Variants in CHN2 observed in about 807,000 individuals in gnomAD.
The protein encoded by CHN2 is chimerin 2, also known as beta-chimaerin.
CHN2 carries 35 observed loss-of-function variants against 56.3 expected under a neutral mutation model. The observed-to-expected ratio is 0.62, with a 90% CI of 0.47 to 0.82. CHN2 has a LOEUF of 0.82. Among genes scored for constraint, CHN2 ranks in the 40% least tolerant of loss-of-function variants. The pLI, the probability that CHN2 is intolerant of heterozygous loss-of-function variation, is 0.00. For synonymous variants in CHN2, 210 were observed against 212.8 expected, an observed-to-expected ratio of 0.99 and a Z score of 0.12; for missense variants, 491 against 580.5, an observed-to-expected ratio of 0.85 and a Z score of 1.58.
intron 1 of CHN2, among the ~76,000 whole-genome samples, chr7:29,269,875 T>C (rs1790475800): frequency 6.6e-6 from 1 of 152,196 alleles, no homozygotes; most frequent in Non-Finnish European, 1.5e-5. Flanking sequence ...CAAATCATTC[T>C]AATAGGCTTC....
intron 1 of CHN2, among the ~76,000 whole-genome samples, chr7:29,235,624 A>G (rs1171451749): frequency 6.6e-6 from 1 of 152,242 alleles, no homozygotes; most frequent in Non-Finnish European, 1.5e-5. Context: ...TAGCAAAGAC[A>G]TGGAATCAAT....
At chr7:29,406,305 G>A (rs912134678) in intron 6 of CHN2, among the ~76,000 whole-genome samples, 13 of 152,144 alleles carry the variant, frequency 8.5e-5, no homozygotes, top group Non-Finnish European at 1.5e-4. Flanking sequence ...GTATATGCAC[G>A]TTGTGGAGCT....
At chr7:29,304,235 G>A (rs1431295554) in intron 1 of CHN2, among the ~76,000 whole-genome samples, 2 of 152,084 alleles carry the variant, frequency 1.3e-5, no homozygotes, top group Non-Finnish European at 2.9e-5. Context: ...GAAGTGTAGA[G>A]GACATAAATT....
intron 6 of CHN2, among the ~76,000 whole-genome samples, chr7:29,452,317 G>A (rs369157730): frequency 1.3e-5 from 2 of 152,076 alleles, no homozygotes; most frequent in East Asian, 3.9e-4. Context: ...GCTGGGCCTC[G>A]GGTGAAGGAA....
intron 2 of CHN2, among the ~76,000 whole-genome samples, chr7:29,188,546 A>G (rs1195959090): frequency 2.0e-5 from 3 of 152,212 alleles, no homozygotes; most frequent in East Asian, 1.9e-4. Context: ...TTTTTTAAAA[A>G]AAAGAGGATT....
chr7:29,282,497 C>G (rs946359517), intron 1 of CHN2, among the ~76,000 whole-genome samples: 15 of 152,152 alleles, frequency 9.9e-5, no homozygotes, highest in Admixed American at 2.0e-4. Context: ...TCACTTTGCA[C>G]TATAGAAGCG....
At chr7:29,268,154 T>C (rs2128842220) in intron 1 of CHN2, among the ~76,000 whole-genome samples, 1 of 152,270 alleles carries the variant, frequency 6.6e-6, no homozygotes, top group South Asian at 2.1e-4. Context: ...AAATTATCCA[T>C]ATTTAGTATA....
At chr7:29,431,126 A>G (rs1219059053) in intron 6 of CHN2, among the ~76,000 whole-genome samples, 1 of 152,162 alleles carries the variant, frequency 6.6e-6, no homozygotes, top group Non-Finnish European at 1.5e-5. Context: ...GAATATGATC[A>G]AAGTGCAACT....
At chr7:29,386,888 A>G (rs991866374) in intron 3 of CHN2, among the ~76,000 whole-genome samples, 2 of 152,236 alleles carry the variant, frequency 1.3e-5, no homozygotes, top group African/African-American at 4.8e-5. Flanking sequence ...CTCGAGTCCT[A>G]GCAAAGAAAA....
chr7:29,266,623 A>G (rs1471278190), intron 1 of CHN2, among the ~76,000 whole-genome samples: 1 of 152,180 alleles, frequency 6.6e-6, no homozygotes, highest in Non-Finnish European at 1.5e-5. Flanking sequence ...GCATGACCCC[A>G]TTTGACAGTC....
chr7:29,420,912 C>G (rs1475882609), intron 6 of CHN2, among the ~76,000 whole-genome samples: 2 of 151,620 alleles, frequency 1.3e-5, no homozygotes, highest in African/African-American at 4.8e-5. Flanking sequence ...CAGGTTCAAG[C>G]GATTCTTCTG....
At chr7:29,305,288 GT>G (rs1410987431) in intron 1 of CHN2, among the ~76,000 whole-genome samples, 2 of 152,072 alleles carry the variant, frequency 1.3e-5, no homozygotes, top group Admixed American at 6.5e-5. Flanking sequence ...ATCCAACAAT[GT>G]TTTTTTAAAG....
chr7:29,494,353 CTT>C (rs1411521598), intron 7 of CHN2, among the ~76,000 whole-genome samples: 8 of 151,842 alleles, frequency 5.3e-5, no homozygotes, highest in African/African-American at 1.7e-4. Context: ...TAACAATTGA[CTT>C]TGCTGCCATA....
At chr7:29,389,021 T>A (rs1801153980) in intron 3 of CHN2, among the ~76,000 whole-genome samples, 3 of 152,240 alleles carry the variant, frequency 2.0e-5, no homozygotes, top group South Asian at 4.1e-4. Flanking sequence ...TCTGCTTTCA[T>A]TTCTGCCAAG....
chr7:29,365,817 A>G (rs563324037), intron 2 of CHN2, among the ~76,000 whole-genome samples: 1 of 152,310 alleles, frequency 6.6e-6, no homozygotes, highest in African/African-American at 2.4e-5. Context: ...GGGGAGTGAC[A>G]TGGTCTGATT....
chr7:29,256,443 G>A (rs1360496658), intron 1 of CHN2, among the ~76,000 whole-genome samples: 1 of 152,146 alleles, frequency 6.6e-6, no homozygotes, highest in East Asian at 1.9e-4. Context: ...GGCATTTTTT[G>A]TTCTTTCAAT....
chr7:29,388,370 G>A (rs1310224311), intron 3 of CHN2, among the ~76,000 whole-genome samples: 1 of 152,190 alleles, frequency 6.6e-6, no homozygotes, highest in Non-Finnish European at 1.5e-5. Flanking sequence ...ACACAGCAAG[G>A]GATGGGCCTA....
At chr7:29,151,579 C>A (rs541786112) in intron 2 of CHN2, among the ~76,000 whole-genome samples, 4 of 152,092 alleles carry the variant, frequency 2.6e-5, no homozygotes, top group Non-Finnish European at 5.9e-5. Context: ...TTGCCCAACA[C>A]TTTTTATATA....
At chr7:29,357,365 C>T (rs750287561) in intron 2 of CHN2, among the ~76,000 whole-genome samples, 1 of 152,146 alleles carries the variant, frequency 6.6e-6, no homozygotes, top group Non-Finnish European at 1.5e-5. Flanking sequence ...GCCCTACAGA[C>T]CACCAGTGAG....
Sources: allele counts gnomAD v4.1 joint callset (sites outside exome capture counted in the v4.1 genomes callset), GRCh38; gene constraint gnomAD v4.1.1; transcripts MANE v1.5; gene names NCBI Gene and HGNC (gene_info 2026-07-23, HGNC 2026-07-21).